PALM2AKAP2: variants seen among roughly 807,000 people sequenced by gnomAD.
PALM2AKAP2 encodes PALM2 and AKAP2 fusion.
Under a neutral mutation model 71.5 loss-of-function variants are expected in PALM2AKAP2, and 37 were observed. The observed-to-expected ratio is 0.52, with a 90% CI of 0.40 to 0.68. PALM2AKAP2 has a LOEUF of 0.68. Among genes scored for constraint, PALM2AKAP2 ranks in the 30% least tolerant of loss-of-function variants. The pLI is 0.00. For missense variants in PALM2AKAP2, 1,224 were observed against 1,191.8 expected, an observed-to-expected ratio of 1.03 and a Z score of -0.40; for synonymous variants, 468 against 478.8, an observed-to-expected ratio of 0.98 and a Z score of 0.29.
chr9:110,074,988 G>A (rs1834288282), intron 1 of PALM2AKAP2, among the ~76,000 whole-genome samples: 1 of 151,738 alleles, frequency 6.6e-6, no homozygotes, highest in Non-Finnish European at 1.5e-5. Context: ...GAGCGACAGA[G>A]TGAGACTCCA....
intron 1 of PALM2AKAP2, among the ~76,000 whole-genome samples, chr9:109,782,339 T>C (rs1826826866): frequency 6.6e-6 from 1 of 152,040 alleles, no homozygotes; most frequent in Non-Finnish European, 1.5e-5. Flanking sequence ...AGCTGTTGAT[T>C]ATTCTCATGA....
chr9:109,655,131 T>G (rs1012290057), intron 1 of PALM2AKAP2, among the ~76,000 whole-genome samples: 2 of 151,890 alleles, frequency 1.3e-5, no homozygotes, highest in Non-Finnish European at 2.9e-5. Flanking sequence ...ATGTCTCTAC[T>G]AAAAGTACAA....
chr9:109,652,220 C>G (rs985760113), intron 1 of PALM2AKAP2, among the ~76,000 whole-genome samples: 1 of 152,126 alleles, frequency 6.6e-6, no homozygotes, highest in Admixed American at 6.5e-5. Flanking sequence ...TCCTCCCACC[C>G]AGATCTCATG....
At chr9:109,944,885 A>G (rs1301338359) in intron 6 of PALM2AKAP2, 1 of 152,198 alleles carries the variant, frequency 6.6e-6, no homozygotes, top group African/African-American at 2.4e-5. Context: ...TTTTAATAAG[A>G]GTTATCTTAA....
chr9:109,707,148 A>T (rs1013485359), intron 1 of PALM2AKAP2, among the ~76,000 whole-genome samples: 1 of 152,186 alleles, frequency 6.6e-6, no homozygotes, highest in Admixed American at 6.5e-5. Flanking sequence ...TAATCTTTAC[A>T]ATAAATAACC....
intron 1 of PALM2AKAP2, among the ~76,000 whole-genome samples, chr9:109,650,694 G>C (rs1289860411): frequency 6.6e-6 from 1 of 152,270 alleles, no homozygotes; most frequent in Middle Eastern, 3.4e-3. Context: ...CCAAAGTGCT[G>C]GGATTATAGA....
exon 4 of PALM2AKAP2, chr9:110,171,355 C>G (rs907158059): frequency 6.6e-6 from 1 of 152,174 alleles, no homozygotes; most frequent in Admixed American, 6.5e-5. Context: ...TGGGACTCTC[C>G]CACAGTCACA....
intron 1 of PALM2AKAP2, among the ~76,000 whole-genome samples, chr9:110,062,095 AATTTT>A (rs1054665095): frequency 1.3e-5 from 2 of 152,302 alleles, no homozygotes; most frequent in African/African-American, 2.4e-5. Flanking sequence ...GCATTAAAAA[AATTTT>A]ATTTTAAGTT....
At chr9:110,155,183 C>G (rs1836416688) in intron 2 of PALM2AKAP2, among the ~76,000 whole-genome samples, 3 of 152,126 alleles carry the variant, frequency 2.0e-5, no homozygotes, top group Admixed American at 1.3e-4. Context: ...AGTTAGAAGC[C>G]TGGGATGTAA....
In PALM2AKAP2 at chr9:110,168,395, A is replaced by G; in HGVS notation, c.2749-4A>G. ...CTGCATAATTTTTTCCCCTCTCTTTACAGGTCCTCGAGGCCACACGGGTTA... is the reference window on the plus strand; with the variant it reads ...CTGCATAATTTTTTCCCCTCTCTTTGCAGGTCCTCGAGGCCACACGGGTTA... On this transcript the variant is annotated splice_region_variant and splice_polypyrimidine_tract_variant and intron_variant, in intron 3 of 3. Transcript: ENST00000374525. 6.2e-7 allele frequency: 1 copy of G among 1,613,848 alleles called. No individual in the cohort carries two copies. Among genetic ancestry groups the G allele is most frequent in the South Asian group, 1.1e-5 (1 of 91,008 alleles).
chr9:109,669,131 T>C (rs544809083), intron 1 of PALM2AKAP2, among the ~76,000 whole-genome samples: 1 of 152,334 alleles, frequency 6.6e-6, no homozygotes, highest in Non-Finnish European at 1.5e-5. Context: ...CAGGTCTACA[T>C]TTGTGGAGGG....
rs150466705 is a variant in PALM2AKAP2, at chr9:109,718,550, A to T, written c.6-61938A>T. ...TGGGCCCTGAACACTTGCTTGTCTA[A>T]CTTCTTTTTTTTTAACATTTAAAAA... On this transcript the variant is annotated intron_variant, in intron 1 of 6. Coordinates refer to the PALM2AKAP2 transcript ENST00000374531. Among the ~76,000 whole-genome samples the T allele has an allele frequency of 2.0e-5, 3 of 151,562 alleles. No homozygotes were observed. In the South Asian group the frequency reaches 6.3e-4, roughly 32 times the overall value.
Position 110,011,177 on chromosome 9 carries a change from AAT to A in PALM2AKAP2, c.497-4768_497-4767del, listed in dbSNP as rs202096962. On this transcript the variant is annotated intron_variant, in intron 6 of 9. Transcript: ENST00000302798. Reference sequence around the variant, plus strand: ...TATGTGTAATTTTTTATATGTATGGAATATATATATTAATTTATATATGGAGA... The same window carrying A: ...TATGTGTAATTTTTTATATGTATGGAATATATATTAATTTATATATGGAGA... 1.0e-2 allele frequency among the ~76,000 whole-genome samples: 1,468 copies of A among 146,968 alleles called. 25 individuals carry two copies. The highest frequency in any genetic ancestry group is 0.035 in the African/African-American group (1,417 of 40,410).
intron 6 of PALM2AKAP2, among the ~76,000 whole-genome samples, chr9:109,986,922 G>A (rs531744602): frequency 7.2e-5 from 11 of 152,138 alleles, no homozygotes; most frequent in Non-Finnish European, 1.0e-4. Flanking sequence ...GTTCATATTT[G>A]TGGCCTGATG....
chr9:110,088,704 T>TTTTG (rs1491446050), intron 1 of PALM2AKAP2, among the ~76,000 whole-genome samples: 11 of 12,806 alleles, frequency 8.6e-4, no homozygotes, highest in Non-Finnish European at 1.7e-3. Context: ...CATTTACGTG[T>TTTTG]TTTTTTTTTT....
chr9:109,707,171 C>G (rs1828157642), intron 1 of PALM2AKAP2, among the ~76,000 whole-genome samples: 1 of 152,160 alleles, frequency 6.6e-6, no homozygotes, highest in African/African-American at 2.4e-5. Context: ...AGCCTCCTCT[C>G]TCTGCATGGC....
chr9:110,037,865 T>C (rs1204081658), intron 7 of PALM2AKAP2, among the ~76,000 whole-genome samples: 1 of 151,810 alleles, frequency 6.6e-6, no homozygotes, highest in Non-Finnish European at 1.5e-5. Flanking sequence ...GAGTCTGGAG[T>C]TCCATGGAGA....
intron 5 of PALM2AKAP2, 106 bp downstream of exon 5, chr9:109,925,188 G>A: frequency 6.4e-7 from 1 of 1,555,306 alleles, no homozygotes; most frequent in Non-Finnish European, 8.8e-7. Flanking sequence ...GATTTGTAAA[G>A]GCATCAGAAG....
chr9:110,062,406 C>T (rs2118497755), intron 1 of PALM2AKAP2, among the ~76,000 whole-genome samples: 1 of 152,308 alleles, frequency 6.6e-6, no homozygotes, highest in Non-Finnish European at 1.5e-5. Context: ...ATTCATGTCT[C>T]TGCAAAGTAC....
Sources: gnomAD v4.1 joint callset for allele counts (sites outside exome capture counted in the v4.1 genomes callset) on GRCh38, gnomAD v4.1.1 for gene constraint, MANE v1.5 for transcripts, NCBI Gene and HGNC (gene_info 2026-07-23, HGNC 2026-07-21) for gene names.